STK3: variants seen among roughly 807,000 people sequenced by gnomAD.
STK3 encodes serine/threonine-protein kinase 3.
Under a neutral mutation model 58.0 loss-of-function variants are expected in STK3, and 41 were observed. The observed-to-expected ratio is 0.71, with a 90% CI of 0.55 to 0.92. The LOEUF (loss-of-function observed/expected upper bound fraction) is 0.92. Ranked by LOEUF, STK3 falls within the 40% of genes least tolerant of loss-of-function variation. The pLI, the probability that STK3 is intolerant of heterozygous loss-of-function variation, is 0.00. For missense variants in STK3, 479 were observed against 602.7 expected, an observed-to-expected ratio of 0.79 and a Z score of 2.15; for synonymous variants, 170 against 191.0, an observed-to-expected ratio of 0.89 and a Z score of 0.91.
intron 9 of STK3, among the ~76,000 whole-genome samples, chr8:98,527,593 C>G (rs1825846365): frequency 6.6e-6 from 1 of 151,950 alleles, no homozygotes; most frequent in Admixed American, 6.6e-5. Flanking sequence ...GCACTCCAGC[C>G]TGGGCAACAG....
chr8:98,617,897 A>C (rs978651131), intron 6 of STK3, among the ~76,000 whole-genome samples: 1 of 151,930 alleles, frequency 6.6e-6, no homozygotes, highest in East Asian at 1.9e-4. Context: ...AGGAGGAACT[A>C]GTACCATTCC....
chr8:98,694,369 C>T (rs75406403), intron 6 of STK3, among the ~76,000 whole-genome samples: 3,694 of 151,648 alleles, frequency 0.024, 59 homozygotes, highest in Non-Finnish European at 0.04. Flanking sequence ...TTTTTTCATA[C>T]TTTAAGTTTT....
Position 98,428,285 on chromosome 8 carries a change from C to A in STK3, n.483+5842G>T. The A allele has an allele frequency of 6.2e-7, 1 of 1,614,118 alleles. No homozygotes were observed. Among genetic ancestry groups the A allele is most frequent in the South Asian group, 1.1e-5 (1 of 91,088 alleles). ...CTGAGCTATGTGTCTTCTCCTTCAGCCAGGAGATCGAGTACTGGGGCATCA... is the reference window on the plus strand; with the variant it reads ...CTGAGCTATGTGTCTTCTCCTTCAGACAGGAGATCGAGTACTGGGGCATCA... On this transcript the variant is annotated intron_variant and non_coding_transcript_variant, in intron 3 of 3. Coordinates refer to the STK3 transcript ENST00000517832. This position sits in a 1 kb window ranked among gnomAD's most constrained non-coding sequence, Gnocchi z 6.7.
At chr8:98,870,167 C>T (rs542585990) in intron 3 of STK3, among the ~76,000 whole-genome samples, 1 of 152,352 alleles carries the variant, frequency 6.6e-6, no homozygotes, top group Admixed American at 6.5e-5. Flanking sequence ...CTACAAAGGA[C>T]ATGAACTCAT....
intron 6 of STK3, among the ~76,000 whole-genome samples, chr8:98,604,545 T>C (rs1816620889): frequency 6.6e-6 from 1 of 152,210 alleles, no homozygotes; most frequent in Admixed American, 6.5e-5. Context: ...ATTTCCCTCT[T>C]GCATTGCCCT....
intron 7 of STK3, among the ~76,000 whole-genome samples, chr8:98,589,600 C>T (rs1230802529): frequency 6.6e-6 from 1 of 152,240 alleles, no homozygotes. Flanking sequence ...TGCAGGCAGG[C>T]CTTCTTGAGC....
intron 6 of STK3, among the ~76,000 whole-genome samples, chr8:98,697,175 T>C (rs904599122): frequency 2.0e-5 from 3 of 152,220 alleles, no homozygotes; most frequent in Admixed American, 6.5e-5. Flanking sequence ...CTGATGGTAG[T>C]TTGTATTTCT....
chr8:98,346,398 A>G, the STK3 span, among the ~76,000 whole-genome samples: 1 of 151,986 alleles, frequency 6.6e-6, no homozygotes, highest in Non-Finnish European at 1.5e-5. Context: ...GACTTGAAAA[A>G]ATATTTGAGG....
intron 9 of STK3, among the ~76,000 whole-genome samples, chr8:98,532,268 G>A (rs1826220371): frequency 6.6e-6 from 1 of 152,078 alleles, no homozygotes. Context: ...GGTTATCAAT[G>A]GGCCTAATTT....
chr8:98,617,115 T>G (rs1400972766), intron 6 of STK3, among the ~76,000 whole-genome samples: 5 of 151,586 alleles, frequency 3.3e-5, no homozygotes, highest in African/African-American at 1.2e-4. Context: ...AAACTATCTC[T>G]CAGACCACAG....
chr8:98,587,038 C>G (rs1026450866), intron 7 of STK3, among the ~76,000 whole-genome samples: 9 of 152,060 alleles, frequency 5.9e-5, no homozygotes, highest in Middle Eastern at 3.4e-3. Flanking sequence ...TTGATCCTTT[C>G]AAAAAACCAG....
chr8:98,568,082 T>C, intron 8 of STK3, among the ~76,000 whole-genome samples: 1 of 151,608 alleles, frequency 6.6e-6, no homozygotes, highest in South Asian at 2.1e-4. Flanking sequence ...GATAGATAGA[T>C]AGATAGATAG....
intron 3 of STK3, among the ~76,000 whole-genome samples, chr8:98,849,142 C>G (rs1160467322): frequency 6.7e-6 from 1 of 149,660 alleles, no homozygotes; most frequent in Admixed American, 6.8e-5. Context: ...AGGAGAATGG[C>G]GTGAACCCAA....
At chr8:98,543,726 A>C (rs1238907789) in intron 9 of STK3, among the ~76,000 whole-genome samples, 2 of 152,202 alleles carry the variant, frequency 1.3e-5, no homozygotes, top group Admixed American at 6.5e-5. Context: ...GTGAAGATCT[A>C]AACTAGCCAC....
intron 6 of STK3, among the ~76,000 whole-genome samples, chr8:98,679,869 T>C (rs1441041963): frequency 6.6e-6 from 1 of 152,202 alleles, no homozygotes; most frequent in Non-Finnish European, 1.5e-5. Context: ...AACAATAATG[T>C]AGACATATTT....
At chr8:98,760,292 C>T (rs1483332835) in intron 3 of STK3, among the ~76,000 whole-genome samples, 3 of 152,182 alleles carry the variant, frequency 2.0e-5, no homozygotes, top group Non-Finnish European at 4.4e-5. Context: ...TAAACATGCA[C>T]ACACCCGGAC....
chr8:98,417,911 A>AT (rs1386830569), intron 3 of STK3, among the ~76,000 whole-genome samples: 1 of 152,038 alleles, frequency 6.6e-6, no homozygotes, highest in African/African-American at 2.4e-5. Flanking sequence ...ATTTAATTTA[A>AT]TTAATTAATT....
intron 6 of STK3, among the ~76,000 whole-genome samples, chr8:98,697,752 T>C (rs890945386): frequency 6.6e-6 from 1 of 152,202 alleles, no homozygotes; most frequent in South Asian, 2.1e-4. Context: ...TTCTTTTACA[T>C]TTGCTGAGGA....
chr8:98,556,953 TGAGA>T (rs973351090), intron 8 of STK3, among the ~76,000 whole-genome samples: 2 of 152,026 alleles, frequency 1.3e-5, no homozygotes, highest in African/African-American at 4.8e-5. Flanking sequence ...AAGAGAAAGT[TGAGA>T]GAGATTTTAA....
Sources: allele counts gnomAD v4.1 joint callset (sites outside exome capture counted in the v4.1 genomes callset), GRCh38; gene constraint gnomAD v4.1.1; non-coding constraint Gnocchi (gnomAD v3.1); transcripts MANE v1.5; gene names NCBI Gene and HGNC (gene_info 2026-07-23, HGNC 2026-07-21).